Variants in TMEM182 observed in about 807,000 individuals in gnomAD.
TMEM182 encodes transmembrane protein 182.
In TMEM182, 20 loss-of-function variants were observed where a neutral mutation model predicts 26.8. The ratio of observed to expected loss-of-function variants is 0.75; its 90% CI spans 0.53 to 1.09. The LOEUF is 1.09. Ranked by LOEUF, TMEM182 falls within the 50% of genes least tolerant of loss-of-function variation. The pLI, the probability that TMEM182 is intolerant of heterozygous loss-of-function variation, is 0.00. For synonymous variants in TMEM182, 109 were observed against 102.2 expected (o/e 1.07, Z -0.40); for missense variants, 277 against 275.5 (o/e 1.01, Z -0.04).
intron 3 of TMEM182, among the ~76,000 whole-genome samples, chr2:102,773,413 T>G (rs950192642): frequency 6.6e-6 from 1 of 151,454 alleles, no homozygotes; most frequent in African/African-American, 2.4e-5. Flanking sequence ...TCTCTGACAT[T>G]GGAGTGGAAA....
chr2:102,842,619 T>G (rs1390644313), intron 3 of TMEM182, among the ~76,000 whole-genome samples: 1 of 152,182 alleles, frequency 6.6e-6, no homozygotes, highest in Admixed American at 6.5e-5. Flanking sequence ...GACCTCAAGT[T>G]AGATTGACCT....
At chr2:102,773,016 A>G (rs890560286) in intron 3 of TMEM182, among the ~76,000 whole-genome samples, 1 of 152,076 alleles carries the variant, frequency 6.6e-6, no homozygotes, top group African/African-American at 2.4e-5. Context: ...TGCTTCATAG[A>G]CACATGTTCA....
At chr2:102,818,526 A>G (rs1469377307), downstream of TMEM182, among the ~76,000 whole-genome samples, 1 of 152,166 alleles carries the variant, frequency 6.6e-6, no homozygotes, top group Non-Finnish European at 1.5e-5. Context: ...ACAAACCTGG[A>G]CTAGCCTGTG....
At chr2:102,769,297 G>A (rs1428155607) in intron 3 of TMEM182, among the ~76,000 whole-genome samples, 1 of 152,074 alleles carries the variant, frequency 6.6e-6, no homozygotes, top group Non-Finnish European at 1.5e-5. Context: ...AAAATGAAAA[G>A]GAAATAAAGA....
At position 102,816,865 on chromosome 2, in the gene TMEM182, T is replaced by G; in HGVS notation, c.*1897T>G. On this transcript the variant is annotated 3_prime_UTR_variant, in exon 5 of 5. Transcript: ENST00000412401. ...CTGGTGTACTGTATGCCATTTAAGT[T>G]TCACATACAAGCTGCTTTCGGCAAA... is the stretch of plus-strand genomic sequence containing the variant. 1.0e-6 allele frequency: 1 copy of G among 985,838 alleles called. No individual in the cohort carries two copies. Among genetic ancestry groups the G allele is most frequent in the Non-Finnish European group, 1.2e-6 (1 of 829,906 alleles). 61.1% of individuals were successfully genotyped at this position (985,838 alleles called of 1,614,324 possible).
upstream of TMEM182, chr2:102,758,410 G>A: frequency 1.4e-6 from 1 of 714,870 alleles, no homozygotes; most frequent in Non-Finnish European, 2.6e-6. Flanking sequence ...AACTAGAAGA[G>A]TTTCAAGTGA....
chr2:102,755,395 A>C (rs1680000866), intron 1 of TMEM182, among the ~76,000 whole-genome samples: 3 of 152,188 alleles, frequency 2.0e-5, no homozygotes, highest in Non-Finnish European at 4.4e-5. Context: ...AAATTAGGGA[A>C]GGCAGGGTGA....
At chr2:102,826,627 T>C (rs939885900) in intron 3 of TMEM182, among the ~76,000 whole-genome samples, 1 of 152,200 alleles carries the variant, frequency 6.6e-6, no homozygotes, top group Non-Finnish European at 1.5e-5. Flanking sequence ...TTTTTAGGGC[T>C]TCTGATCCAA....
rs10192265 is a variant in TMEM182, at chr2:102,741,394, G to A, written c.-83+4381G>A. 9.5e-3 allele frequency among the ~76,000 whole-genome samples: 1,447 copies of A among 152,214 alleles called. 23 individuals are homozygous for A. The highest frequency in any genetic ancestry group is 0.032 in the African/African-American group (1,341 of 41,522). On this transcript the variant is annotated intron_variant, in intron 1 of 5. Coordinates refer to the TMEM182 transcript ENST00000409173. ...ATGTTGAAGATCTGAGAAAAATTCC[G>A]TCAGGTTCCCAGCAGAAGGAAAAGA...
intron 4 of TMEM182, among the ~76,000 whole-genome samples, chr2:102,804,580 A>T (rs1029396803): frequency 5.3e-5 from 8 of 152,082 alleles, no homozygotes; most frequent in Non-Finnish European, 8.8e-5. Flanking sequence ...GGTTGGATCC[A>T]CTACAGTGGT....
chr2:102,824,576 G>T (rs1190807639), intron 3 of TMEM182, among the ~76,000 whole-genome samples: 1 of 152,116 alleles, frequency 6.6e-6, no homozygotes, highest in African/African-American at 2.4e-5. Context: ...TGTAATCCCA[G>T]CACTTTGGGA....
intron 1 of TMEM182, among the ~76,000 whole-genome samples, chr2:102,741,701 C>T (rs369834325): frequency 2.0e-5 from 3 of 152,174 alleles, no homozygotes; most frequent in East Asian, 1.9e-4. Flanking sequence ...CCCTACCCAA[C>T]ACCTTACAAA....
intron 4 of TMEM182, among the ~76,000 whole-genome samples, chr2:102,800,903 A>G (rs1313046977): frequency 6.6e-6 from 1 of 151,958 alleles, no homozygotes; most frequent in African/African-American, 2.4e-5. Context: ...GCAAAAAGCA[A>G]TATACGTGAA....
intron 1 of TMEM182, among the ~76,000 whole-genome samples, chr2:102,755,524 G>A (rs1451072864): frequency 6.6e-6 from 1 of 152,182 alleles, no homozygotes; most frequent in Admixed American, 6.5e-5. Flanking sequence ...GCACATTCTA[G>A]TCACTGTATC....
At chr2:102,790,332 A>T (rs1028307392) in intron 3 of TMEM182, among the ~76,000 whole-genome samples, 9 of 152,238 alleles carry the variant, frequency 5.9e-5, no homozygotes, top group African/African-American at 1.9e-4. Context: ...AATGGAACTT[A>T]TTCTAAAATC....
At chr2:102,774,113 T>C (rs1249987934) in intron 3 of TMEM182, among the ~76,000 whole-genome samples, 1 of 152,136 alleles carries the variant, frequency 6.6e-6, no homozygotes, top group African/African-American at 2.4e-5. Context: ...TACATCTGTA[T>C]AAATCTATGT....
chr2:102,793,659 T>G (rs2732812), intron 3 of TMEM182, among the ~76,000 whole-genome samples: 7 of 151,962 alleles, frequency 4.6e-5, no homozygotes, highest in Non-Finnish European at 1.0e-4. Flanking sequence ...CTTCTAATAT[T>G]TACTACAATG....
intron 3 of TMEM182, among the ~76,000 whole-genome samples, chr2:102,791,076 G>C (rs1192827376): frequency 6.6e-6 from 1 of 151,880 alleles, no homozygotes; most frequent in Non-Finnish European, 1.5e-5. Flanking sequence ...GCTGGGATTA[G>C]AGGCGTATGC....
chr2:102,765,841 A>T (rs756323137), intron 3 of TMEM182, among the ~76,000 whole-genome samples: 27 of 152,134 alleles, frequency 1.8e-4, no homozygotes, highest in Non-Finnish European at 3.5e-4. Context: ...GCTCCTTCCC[A>T]TTAAAAACTG....
Sources: allele counts gnomAD v4.1 joint callset (sites outside exome capture counted in the v4.1 genomes callset), GRCh38; gene constraint gnomAD v4.1.1; transcripts MANE v1.5; gene names NCBI Gene and HGNC (gene_info 2026-07-23, HGNC 2026-07-21).